GLRA1: variants seen among roughly 807,000 people sequenced by gnomAD.
GLRA1 encodes the protein glycine receptor subunit alpha-1.
In GLRA1, 37 loss-of-function variants were observed where a neutral mutation model predicts 48.3. That is an observed-to-expected ratio of 0.77 (90% CI 0.59 to 1.01). GLRA1 has a LOEUF of 1.01. GLRA1 is among the 50% of genes least tolerant of loss of function. GLRA1 has a pLI of 0.00. For synonymous variants in GLRA1, 196 were observed against 210.7 expected (o/e 0.93, Z 0.60); for missense variants, 427 against 571.0 (o/e 0.75, Z 2.57).
intron 1 of GLRA1, among the ~76,000 whole-genome samples, chr5:151,907,817 A>G (rs995470463): frequency 5.3e-5 from 8 of 152,348 alleles, no homozygotes; most frequent in Non-Finnish European, 1.2e-4. Context: ...GATGGAGAAG[A>G]TGACCTTGGA....
chr5:151,906,355 T>C (rs1754472838), intron 1 of GLRA1, among the ~76,000 whole-genome samples: 1 of 152,208 alleles, frequency 6.6e-6, no homozygotes, highest in Non-Finnish European at 1.5e-5. Context: ...ATCCGAAGAC[T>C]GAAAGAGTCA....
chr5:151,829,342 G>A (rs1283831605), intron 7 of GLRA1, among the ~76,000 whole-genome samples: 1 of 152,214 alleles, frequency 6.6e-6, no homozygotes, highest in East Asian at 1.9e-4. Flanking sequence ...AGAACAGAAT[G>A]CTGTCTTTCA....
At chr5:151,907,139 C>G (rs1033723652) in intron 1 of GLRA1, among the ~76,000 whole-genome samples, 2 of 152,012 alleles carry the variant, frequency 1.3e-5, no homozygotes, top group African/African-American at 2.4e-5. Flanking sequence ...CTTCTCTGAG[C>G]CTGTTTCTTC....
At chr5:151,886,506 C>T (rs953791953) in intron 3 of GLRA1, among the ~76,000 whole-genome samples, 7 of 152,060 alleles carry the variant, frequency 4.6e-5, no homozygotes, top group African/African-American at 1.4e-4. Context: ...AGGTGCTTGC[C>T]CTGCTAGGTC....
At chr5:151,874,761 C>T (rs1182682941) in intron 3 of GLRA1, among the ~76,000 whole-genome samples, 1 of 151,792 alleles carries the variant, frequency 6.6e-6, no homozygotes, top group African/African-American at 2.4e-5. Context: ...TGAGCTGAGA[C>T]CTGAAGGGTG....
At chr5:151,835,027 C>CAAAA (rs60718344) in intron 7 of GLRA1, among the ~76,000 whole-genome samples, 19 of 52,530 alleles carry the variant, frequency 3.6e-4, no homozygotes, top group African/African-American at 1.0e-3. Context: ...GACAACATCT[C>CAAAA]AAAAAAAAAA....
At chr5:151,851,648 G>T in intron 6 of GLRA1, 44 bp from the exon 7 acceptor site, 3 of 1,318,198 alleles carry the variant, frequency 2.3e-6, no homozygotes, top group Non-Finnish European at 3.3e-6. Context: ...CTGGTGAATA[G>T]GACAAAAGGC....
At chr5:151,923,846 TC>T (rs768207119) in intron 1 of GLRA1, among the ~76,000 whole-genome samples, 1 of 152,106 alleles carries the variant, frequency 6.6e-6, no homozygotes, top group Non-Finnish European at 1.5e-5. Context: ...GGGAAATGTT[TC>T]CCAGTATGTT....
At chr5:151,889,107 A>G (rs1195641453) in intron 2 of GLRA1, among the ~76,000 whole-genome samples, 1 of 152,232 alleles carries the variant, frequency 6.6e-6, no homozygotes, top group Non-Finnish European at 1.5e-5. Context: ...TGACTCCCAT[A>G]TAAATTAGTT....
intron 1 of GLRA1, among the ~76,000 whole-genome samples, chr5:151,913,596 T>C (rs372585833): frequency 3.9e-5 from 6 of 152,268 alleles, no homozygotes; most frequent in African/African-American, 1.4e-4. Flanking sequence ...GGTAGATCCA[T>C]ATGCACACTG....
intron 1 of GLRA1, among the ~76,000 whole-genome samples, chr5:151,920,125 A>C (rs10061239): frequency 3.3e-5 from 5 of 152,354 alleles, no homozygotes; most frequent in South Asian, 2.1e-4. Context: ...GCACATGATA[A>C]ACAAGTTCCT....
At chr5:151,842,147 C>T (rs1257411527) in intron 7 of GLRA1, among the ~76,000 whole-genome samples, 1 of 151,842 alleles carries the variant, frequency 6.6e-6, no homozygotes, top group Non-Finnish European at 1.5e-5. Flanking sequence ...AAAGAATTGT[C>T]CAGGACCAGA....
chr5:151,878,028 G>A (rs747505335), intron 3 of GLRA1, among the ~76,000 whole-genome samples: 9 of 152,196 alleles, frequency 5.9e-5, no homozygotes, highest in East Asian at 1.9e-4. Context: ...AGGTTGGGAC[G>A]GTTTGGAGGG....
chr5:151,891,883 G>A (rs1475905817), intron 2 of GLRA1, among the ~76,000 whole-genome samples: 2 of 152,074 alleles, frequency 1.3e-5, no homozygotes, highest in Admixed American at 6.5e-5. Context: ...GCTCCGTGAA[G>A]CGTATGTTTA....
At position 151,822,893 on chromosome 5, in the gene GLRA1, T is replaced by C. The variant is rs756691617; in HGVS notation, c.1130A>G (p.Lys377Arg). The C allele has an allele frequency of 6.2e-7, 1 of 1,614,082 alleles. No homozygotes were observed. The highest frequency in any genetic ancestry group is 1.1e-5 in the South Asian group (1 of 91,078). ...YGMGPACLQA[K>R]DGISVKGANN... ...GGCGCCCTTGACTGAGATGCCATCCTTGGCCTGTAGACAGGCTGGGCCCAT... is the reference window on the plus strand; with the variant it reads ...GGCGCCCTTGACTGAGATGCCATCCCTGGCCTGTAGACAGGCTGGGCCCAT... The change falls in exon 9 of 9, where the codon AAG becomes AGG. Residue 377 changes from lysine (K) to arginine (R), a missense_variant. Coordinates refer to ENST00000274576, the MANE Select transcript of GLRA1 (RefSeq NM_000171.4).
intron 2 of GLRA1, among the ~76,000 whole-genome samples, chr5:151,890,831 C>T (rs1190049730): frequency 6.6e-6 from 1 of 152,172 alleles, no homozygotes; most frequent in Non-Finnish European, 1.5e-5. Flanking sequence ...TATTGACTTA[C>T]CTATCCTGGG....
intron 1 of GLRA1, among the ~76,000 whole-genome samples, chr5:151,913,963 G>T (rs371665699): frequency 6.6e-6 from 1 of 152,116 alleles, no homozygotes; most frequent in Non-Finnish European, 1.5e-5. Flanking sequence ...ATATCAAACC[G>T]TTAAGTGATT....
Sources: gnomAD v4.1 joint callset for allele counts (sites outside exome capture counted in the v4.1 genomes callset) on GRCh38, gnomAD v4.1.1 for gene constraint, MANE v1.5 for transcripts, NCBI Gene and HGNC (gene_info 2026-07-23, HGNC 2026-07-21) for gene names.